PRR11: variants seen among roughly 807,000 people sequenced by gnomAD.
PRR11 encodes proline-rich protein 11.
PRR11 carries 30 observed loss-of-function variants against 45.6 expected under a neutral mutation model. That is an observed-to-expected ratio of 0.66 (90% confidence interval 0.49 to 0.89). PRR11 has a LOEUF of 0.89. PRR11 is among the 40% of genes least tolerant of loss of function. The pLI, the probability that PRR11 is intolerant of heterozygous loss-of-function variation, is 0.00. For synonymous variants in PRR11, 128 were observed against 153.5 expected, an observed-to-expected ratio of 0.83 and a Z score of 1.23; for missense variants, 373 against 424.8, an observed-to-expected ratio of 0.88 and a Z score of 1.07.
intron 2 of PRR11, among the ~76,000 whole-genome samples, chr17:59,174,663 G>A (rs1051051151): frequency 1.3e-5 from 2 of 152,152 alleles, no homozygotes; most frequent in African/African-American, 4.8e-5. Flanking sequence ...GCCGGATCAA[G>A]CAATTGGGTT....
At chr17:59,179,702 C>T in intron 2 of PRR11, 1 of 1,441,024 alleles carries the variant, frequency 6.9e-7, no homozygotes, top group Non-Finnish European at 9.6e-7. Flanking sequence ...TGACACTCGC[C>T]ATTGCTTCAG....
At chr17:59,168,429 C>T (rs931283891) in intron 1 of PRR11, among the ~76,000 whole-genome samples, 4 of 152,198 alleles carry the variant, frequency 2.6e-5, no homozygotes, top group African/African-American at 9.7e-5. Context: ...CTCGGCCTCC[C>T]AAAGTGCTGG....
At chr17:59,178,998 G>T (rs181906130) in intron 2 of PRR11, among the ~76,000 whole-genome samples, 91 of 152,050 alleles carry the variant, frequency 6.0e-4, no homozygotes, top group East Asian at 4.8e-3. Context: ...GTGATTTATT[G>T]ATTTATTTAT....
chr17:59,191,065 G>C (rs1018114658), intron 4 of PRR11, among the ~76,000 whole-genome samples: 1 of 152,100 alleles, frequency 6.6e-6, no homozygotes, highest in African/African-American at 2.4e-5. Flanking sequence ...GGCCTATTGC[G>C]AGACACTGAT....
chr17:59,185,203 A>G lies in PRR11; in HGVS notation c.278A>G (p.Gln93Arg), dbSNP rs1331772541. The change falls in exon 3 of 10, where the codon CAG becomes CGG. Residue 93 changes from glutamine to arginine, a missense_variant and splice_region_variant. Physicochemically the swap from Gln to Arg is conservative, Grantham distance 43. Coordinates refer to ENST00000262293, the MANE Select transcript of PRR11 (RefSeq NM_018304.4). The part of the protein sequence containing the change: ...IYSWCQNCIT[Q>R]SLEVLKDTIF... ...AGCTGGTGCCAGAACTGCATAACCC[A>G]GGTATGGATGTGACATCCCTGTTTT... 2 of 1,613,466 alleles carry G rather than the reference A, an allele frequency of 1.2e-6. No homozygotes were observed. Among genetic ancestry groups the G allele is most frequent in the Non-Finnish European group, 1.7e-6 (2 of 1,179,774 alleles).
chr17:59,188,476 C>A (rs1431500312), intron 4 of PRR11, among the ~76,000 whole-genome samples: 1 of 152,012 alleles, frequency 6.6e-6, no homozygotes, highest in Non-Finnish European at 1.5e-5. Flanking sequence ...CGAAAACTTA[C>A]AAAGAAAACT....
intron 1 of PRR11, among the ~76,000 whole-genome samples, chr17:59,164,465 G>A (rs1490423567): frequency 1.3e-5 from 2 of 152,050 alleles, no homozygotes; most frequent in African/African-American, 4.8e-5. Context: ...TGAGGTAGGA[G>A]GACTGCTTGA....
intron 2 of PRR11, 149 bp from the exon 3 acceptor site, chr17:59,184,905 G>A (rs1476173376): frequency 1.6e-5 from 3 of 192,732 alleles, no homozygotes; most frequent in South Asian, 1.2e-4. Flanking sequence ...CCATGTTGCC[G>A]AGGCTAGTCT....
intron 1 of PRR11, among the ~76,000 whole-genome samples, chr17:59,157,706 C>G (rs1224042381): frequency 6.6e-6 from 1 of 150,772 alleles, no homozygotes; most frequent in Non-Finnish European, 1.5e-5. Context: ...TGTCCACCCC[C>G]CCAAAAAAAA....
intron 4 of PRR11, among the ~76,000 whole-genome samples, chr17:59,188,420 G>A (rs1276021044): frequency 6.6e-6 from 1 of 152,010 alleles, no homozygotes; most frequent in Non-Finnish European, 1.5e-5. Flanking sequence ...ACCAAATTTT[G>A]TACATATGTA....
At chr17:59,181,781 T>C (rs569911271) in intron 2 of PRR11, 1 of 1,551,184 alleles carries the variant, frequency 6.4e-7, no homozygotes, top group East Asian at 2.3e-5. Flanking sequence ...ATGTAATGCT[T>C]CTGCAACTGA....
chr17:59,173,079 A>G (rs2046719520), intron 2 of PRR11, among the ~76,000 whole-genome samples: 1 of 152,228 alleles, frequency 6.6e-6, no homozygotes, highest in Non-Finnish European at 1.5e-5. Context: ...TTGTAAACAC[A>G]CCAATCAACA....
At chr17:59,188,944 A>ATAATAC (rs1005542945) in intron 4 of PRR11, among the ~76,000 whole-genome samples, 6 of 89,044 alleles carry the variant, frequency 6.7e-5, no homozygotes, top group Non-Finnish European at 1.4e-4. Flanking sequence ...TGTCTCAAAA[A>ATAATAC]TAATAATAAT....
chr17:59,206,050 CAAAAA>C lies in PRR11; in HGVS notation c.*4425_*4429del, dbSNP rs895661622. On this transcript the variant is annotated 3_prime_UTR_variant, in exon 10 of 10. Coordinates refer to ENST00000262293, the MANE Select transcript of PRR11 (RefSeq NM_018304.4). ...TGGGCAACAGAGTGAGACCTTGTCTCAAAAAAAAAAGAAAGAAAAAGAAAAATGCT... is the reference window on the plus strand; with the variant it reads ...TGGGCAACAGAGTGAGACCTTGTCTCAAAAAGAAAGAAAAAGAAAAATGCT... 3.5e-5 allele frequency among the ~76,000 whole-genome samples: 5 copies of C among 141,074 alleles called. No individual in the cohort carries two copies. 92.6% of individuals were successfully genotyped at this position (141,074 alleles called of 152,430 possible).
intron 1 of PRR11, among the ~76,000 whole-genome samples, chr17:59,165,595 C>T (rs980955859): frequency 1.3e-5 from 2 of 151,988 alleles, no homozygotes; most frequent in Admixed American, 6.6e-5. Context: ...GAGTTCCAGA[C>T]CAGCCTGACC....
chr17:59,179,534 A>T, intron 2 of PRR11: 1 of 1,354,264 alleles, frequency 7.4e-7, no homozygotes, highest in African/African-American at 1.5e-5. Context: ...GTCCTCCCGC[A>T]TGGAGAGCTC....
chr17:59,204,459 T>C lies in PRR11; in HGVS notation c.*2828T>C, dbSNP rs1215459443. The C allele has an allele frequency of 5.3e-5, 8 of 150,070 alleles. No homozygotes were observed. The East Asian group carries it at 1.6e-3, about 29-fold the overall frequency. The allele number at this position is 150,070 out of a possible 1,614,324, so 9.3% of individuals were successfully genotyped here. ...GCTCACGCCTGTAATCCCAGCACTT[T>C]GGGAGGCTGAGGCGGGCAAAACACT... On this transcript the variant is annotated 3_prime_UTR_variant, in exon 10 of 10. Transcript: ENST00000262293.
chr17:59,159,127 C>A (rs986580678), intron 1 of PRR11, among the ~76,000 whole-genome samples: 2 of 152,030 alleles, frequency 1.3e-5, no homozygotes, highest in African/African-American at 4.8e-5. Flanking sequence ...GCCTCCCACA[C>A]CCTCTTTTTT....
In PRR11 at chr17:59,202,885, G is replaced by T. The variant is rs2147859136; in HGVS notation, c.*1254G>T. On this transcript the variant is annotated 3_prime_UTR_variant, in exon 10 of 10. Coordinates refer to ENST00000262293, the MANE Select transcript of PRR11 (RefSeq NM_018304.4). ...CTATCAAAAATTTAAAATTACCCAG[G>T]CATGGTGACGCACACCTGTAGTCTA... is the stretch of plus-strand genomic sequence containing the variant. 1.3e-5 allele frequency: 2 copies of T among 152,102 alleles called. No homozygotes were observed. The highest frequency in any genetic ancestry group is 1.3e-4 in the Admixed American group (2 of 15,262). 9.4% of individuals were successfully genotyped at this position (152,102 alleles called of 1,614,324 possible).
Sources: gnomAD v4.1 joint callset for allele counts (sites outside exome capture counted in the v4.1 genomes callset) on GRCh38, gnomAD v4.1.1 for gene constraint, MANE v1.5 for transcripts, NCBI Gene and HGNC (gene_info 2026-07-23, HGNC 2026-07-21) for gene names.